Variants in TPTE observed in about 807,000 individuals in gnomAD.
The protein encoded by TPTE is putative tyrosine-protein phosphatase TPTE.
A neutral mutation model predicts 84.1 loss-of-function variants in TPTE; 59 were observed. The observed-to-expected ratio is 0.70, with a 90% CI of 0.57 to 0.87. The LOEUF is 0.87. Among genes scored for constraint, TPTE ranks in the 40% least tolerant of loss-of-function variants. TPTE has a pLI of 0.00. For missense variants in TPTE, 382 were observed against 659.6 expected, an observed-to-expected ratio of 0.58 and a Z score of 4.61; for synonymous variants, 130 against 223.5, an observed-to-expected ratio of 0.58 and a Z score of 3.73.
chr21:10,562,462 G>T (rs1404557785), intron 10 of TPTE, among the ~76,000 whole-genome samples: 2 of 152,424 alleles, frequency 1.3e-5, no homozygotes, highest in African/African-American at 4.8e-5. Context: ...TGACCTTTCA[G>T]ACAAAGAAAT....
intron 20 of TPTE, among the ~76,000 whole-genome samples, chr21:10,596,492 G>C (rs868860182): frequency 2.6e-5 from 4 of 152,292 alleles, no homozygotes; most frequent in Admixed American, 1.3e-4. Context: ...AGGTGTCTCC[G>C]TATCGTATCA....
chr21:10,529,183 CAAA>C (rs3049947), intron 3 of TPTE, among the ~76,000 whole-genome samples: 3 of 144,130 alleles, frequency 2.1e-5, no homozygotes, highest in Admixed American at 6.9e-5. Context: ...AACTCTGTCT[CAAA>C]AAAAAAAAAA....
chr21:10,561,944 G>T (rs1339318359), intron 10 of TPTE, among the ~76,000 whole-genome samples: 1 of 152,310 alleles, frequency 6.6e-6, no homozygotes, highest in Non-Finnish European at 1.5e-5. Flanking sequence ...CCCGTGCTGT[G>T]CTGGCCTCAG....
chr21:10,540,999 A>T, intron 4 of TPTE, 113 bp from the exon 5 acceptor site: 1 of 1,481,950 alleles, frequency 6.7e-7, no homozygotes, highest in South Asian at 1.2e-5. Flanking sequence ...ATATACATAC[A>T]TGTGAATAAT....
intron 20 of TPTE, among the ~76,000 whole-genome samples, chr21:10,597,084 T>C (rs1194022243): frequency 6.6e-6 from 1 of 152,306 alleles, no homozygotes; most frequent in African/African-American, 2.4e-5. Context: ...AATGTAGAGT[T>C]GAGAGGAAAG....
chr21:10,588,555 C>G (rs536655544), intron 17 of TPTE, among the ~76,000 whole-genome samples: 1 of 152,422 alleles, frequency 6.6e-6, no homozygotes, highest in Non-Finnish European at 1.5e-5. Context: ...AGATGTCTAT[C>G]TAGCAAGATT....
chr21:10,599,725 T>C (rs796372681), intron 21 of TPTE, among the ~76,000 whole-genome samples: 537 of 151,392 alleles, frequency 3.5e-3, no homozygotes, highest in African/African-American at 0.012. Context: ...CTTTTTTCCA[T>C]GAGTAGCTTG....
intron 3 of TPTE, among the ~76,000 whole-genome samples, chr21:10,531,805 C>T (rs2145588960): frequency 6.6e-6 from 1 of 152,428 alleles, no homozygotes; most frequent in South Asian, 2.1e-4. Context: ...TTAATTTACA[C>T]ATTTAATGCT....
At chr21:10,545,565 C>T (rs1405415452) in intron 7 of TPTE, among the ~76,000 whole-genome samples, 1 of 152,302 alleles carries the variant, frequency 6.6e-6, no homozygotes, top group African/African-American at 2.4e-5. Flanking sequence ...TGATATAACT[C>T]ACCTTTCAAT....
At chr21:10,571,493 C>T (rs1488015970) in intron 14 of TPTE, among the ~76,000 whole-genome samples, 7 of 152,418 alleles carry the variant, frequency 4.6e-5, no homozygotes, top group Admixed American at 1.3e-4. Flanking sequence ...ACCATAATTC[C>T]CCATTAACAG....
chr21:10,528,008 G>A (rs1200328552), intron 3 of TPTE, among the ~76,000 whole-genome samples: 1 of 152,180 alleles, frequency 6.6e-6, no homozygotes, highest in African/African-American at 2.4e-5. Context: ...ATGATGATCA[G>A]GTTCAGTAAT....
intron 14 of TPTE, among the ~76,000 whole-genome samples, chr21:10,575,853 C>G (rs1354122469): frequency 2.6e-5 from 4 of 152,300 alleles, no homozygotes; most frequent in African/African-American, 9.6e-5. Flanking sequence ...CATCACTGAT[C>G]ATTAAAGAAA....
intron 3 of TPTE, among the ~76,000 whole-genome samples, chr21:10,532,449 CT>C (rs1203080405): frequency 5.3e-5 from 8 of 152,306 alleles, no homozygotes; most frequent in Non-Finnish European, 1.0e-4. Context: ...AAGATACACA[CT>C]TTTGTTTTGT....
intron 1 of TPTE, among the ~76,000 whole-genome samples, chr21:10,522,850 C>T (rs1336475202): frequency 1.3e-5 from 2 of 152,306 alleles, no homozygotes; most frequent in Non-Finnish European, 1.5e-5. Flanking sequence ...TTGCCTTAAA[C>T]ATTTACCATG....
At chr21:10,542,146 G>A (rs1185768239) in intron 5 of TPTE, among the ~76,000 whole-genome samples, 1 of 152,306 alleles carries the variant, frequency 6.6e-6, no homozygotes, top group Admixed American at 6.5e-5. Context: ...TTGGGACTGA[G>A]GTCATAATAA....
chr21:10,592,930 A>T (rs1421191724), intron 19 of TPTE, among the ~76,000 whole-genome samples: 1 of 152,308 alleles, frequency 6.6e-6, no homozygotes, highest in Non-Finnish European at 1.5e-5. Flanking sequence ...ACAGTATTGC[A>T]CTTTTACATA....
At chr21:10,533,151 C>T (rs1472324066) in intron 3 of TPTE, among the ~76,000 whole-genome samples, 1 of 152,306 alleles carries the variant, frequency 6.6e-6, no homozygotes, top group African/African-American at 2.4e-5. Context: ...TTATTCTTTT[C>T]TACTATTTTC....
intron 10 of TPTE, among the ~76,000 whole-genome samples, chr21:10,565,915 A>G (rs548477960): frequency 2.0e-4 from 30 of 152,402 alleles, no homozygotes; most frequent in African/African-American, 7.2e-4. Flanking sequence ...CTACAAGAGA[A>G]CATTGGGAAG....
chr21:10,591,017 G>C (rs988416078), intron 18 of TPTE, among the ~76,000 whole-genome samples: 29 of 152,374 alleles, frequency 1.9e-4, no homozygotes, highest in African/African-American at 6.7e-4. Flanking sequence ...TTCCTTCCTC[G>C]TGAGAATAGT....
Sources: gnomAD v4.1 joint callset for allele counts (sites outside exome capture counted in the v4.1 genomes callset) on GRCh38, gnomAD v4.1.1 for gene constraint, MANE v1.5 for transcripts, NCBI Gene and HGNC (gene_info 2026-07-23, HGNC 2026-07-21) for gene names.